RANBP2: variants seen among roughly 807,000 people sequenced by gnomAD.
The protein encoded by RANBP2 is RAN binding protein 2, also known as E3 SUMO-protein ligase RanBP2.
In RANBP2, 57 loss-of-function variants were observed where a neutral mutation model predicts 303.6. The ratio of observed to expected loss-of-function variants is 0.19; its 90% confidence interval spans 0.15 to 0.23. The LOEUF is 0.23. Ranked by LOEUF, RANBP2 falls within the 10% of genes least tolerant of loss-of-function variation. RANBP2 has a pLI of 1.00. For synonymous variants in RANBP2, 1,167 were observed against 1,301.5 expected (o/e 0.90, Z 2.23); for missense variants, 3,138 against 3,780.8 (o/e 0.83, Z 4.46).
chr2:109,480,460 G>A, the RANBP2 span, among the ~76,000 whole-genome samples: 1 of 152,180 alleles, frequency 6.6e-6, no homozygotes, highest in Non-Finnish European at 1.5e-5. Flanking sequence ...AAGGAGAGGA[G>A]TCCAGATGCC....
At chr2:109,384,455 C>T in the RANBP2 span, among the ~76,000 whole-genome samples, 3 of 151,572 alleles carry the variant, frequency 2.0e-5, no homozygotes, top group Admixed American at 6.6e-5. Context: ...CTGAGCTGGC[C>T]GAGGGACTCT....
the RANBP2 span, among the ~76,000 whole-genome samples, chr2:109,041,196 T>C: frequency 1.3e-5 from 2 of 152,394 alleles, no homozygotes; most frequent in East Asian, 1.9e-4. Flanking sequence ...AACACAGTTA[T>C]TCATCTTAAT....
At chr2:108,829,538 G>A in the RANBP2 span, among the ~76,000 whole-genome samples, 2 of 152,222 alleles carry the variant, frequency 1.3e-5, no homozygotes, top group East Asian at 3.9e-4. Flanking sequence ...TTGAGGTCAG[G>A]AGCTTGAGAC....
chr2:109,566,863 AATT>A, the RANBP2 span, among the ~76,000 whole-genome samples: 2 of 152,188 alleles, frequency 1.3e-5, no homozygotes, highest in Non-Finnish European at 2.9e-5. Flanking sequence ...CTAATGTAAA[AATT>A]ATTAATTACT....
the RANBP2 span, among the ~76,000 whole-genome samples, chr2:109,081,762 C>T: frequency 3.9e-5 from 6 of 152,322 alleles, no homozygotes; most frequent in African/African-American, 7.2e-5. Flanking sequence ...CACAACCTGC[C>T]GCCGCCAGGG....
At chr2:109,212,439 A>G in the RANBP2 span, among the ~76,000 whole-genome samples, 1 of 152,200 alleles carries the variant, frequency 6.6e-6, no homozygotes, top group Non-Finnish European at 1.5e-5. Flanking sequence ...GAAAAACAAT[A>G]CAAAAGTCTC....
chr2:109,736,302 A>G, the RANBP2 span, among the ~76,000 whole-genome samples: 3 of 152,108 alleles, frequency 2.0e-5, no homozygotes, highest in East Asian at 5.8e-4. Context: ...TCGTGGCCCA[A>G]GTTGCATGAG....
chr2:109,003,641 C>T, the RANBP2 span, among the ~76,000 whole-genome samples: 1 of 152,074 alleles, frequency 6.6e-6, no homozygotes, highest in Non-Finnish European at 1.5e-5. Flanking sequence ...GAACTCCTGA[C>T]TTCAAGTGAT....
At chr2:109,244,627 A>G in the RANBP2 span, among the ~76,000 whole-genome samples, 2 of 152,242 alleles carry the variant, frequency 1.3e-5, no homozygotes, top group Non-Finnish European at 2.9e-5. Context: ...AATGCCAGTT[A>G]GCAGGAGAAG....
the RANBP2 span, among the ~76,000 whole-genome samples, chr2:108,880,730 G>A: frequency 6.6e-6 from 1 of 152,112 alleles, no homozygotes; most frequent in Non-Finnish European, 1.5e-5. Flanking sequence ...TAAGCCTGCT[G>A]TTGAGACCTA....
At chr2:109,199,849 G>GA in the RANBP2 span, among the ~76,000 whole-genome samples, 2 of 41,934 alleles carry the variant, frequency 4.8e-5, 1 homozygote, top group African/African-American at 1.3e-4. Context: ...GAATGGAATG[G>GA]AAATAACAAA....
chr2:109,232,791 C>G, the RANBP2 span, among the ~76,000 whole-genome samples: 1 of 152,194 alleles, frequency 6.6e-6, no homozygotes, highest in Non-Finnish European at 1.5e-5. Flanking sequence ...CTAAACACAG[C>G]TGAGACTTCC....
chr2:109,233,486 T>C, the RANBP2 span, among the ~76,000 whole-genome samples: 1 of 152,028 alleles, frequency 6.6e-6, no homozygotes, highest in Non-Finnish European at 1.5e-5. Context: ...AGTTTGGGGG[T>C]TTTATAGGTA....
intron 6 of RANBP2, among the ~76,000 whole-genome samples, chr2:108,740,156 C>T (rs1229415208): frequency 1.3e-5 from 2 of 152,068 alleles, no homozygotes; most frequent in African/African-American, 4.8e-5. Flanking sequence ...ATTATATGAT[C>T]AGGAAGAAAC....
the RANBP2 span, among the ~76,000 whole-genome samples, chr2:109,308,615 G>A: frequency 7.5e-5 from 4 of 53,012 alleles, no homozygotes; most frequent in Admixed American, 1.0e-3. Flanking sequence ...GTGTAAGGAA[G>A]GGATCCAGTT....
the RANBP2 span, among the ~76,000 whole-genome samples, chr2:109,690,339 T>G: frequency 8.9e-4 from 136 of 152,322 alleles, no homozygotes; most frequent in South Asian, 0.026. Context: ...TGGGAGCACT[T>G]CCAGGTCATA....
the RANBP2 span, among the ~76,000 whole-genome samples, chr2:109,362,092 T>C: frequency 6.6e-6 from 1 of 152,126 alleles, no homozygotes; most frequent in Non-Finnish European, 1.5e-5. Context: ...ATTTCTTTTA[T>C]TTTATTTATT....
the RANBP2 span, among the ~76,000 whole-genome samples, chr2:109,077,896 T>C: frequency 2.3e-3 from 347 of 148,810 alleles, 4 homozygotes; most frequent in African/African-American, 8.0e-3. Flanking sequence ...GAAAACAGTA[T>C]AGAGATCCCT....
At position 108,782,836 on chromosome 2, in the gene RANBP2, A is replaced by T. The variant is rs1192224682; in HGVS notation, c.9343A>T (p.Arg3115Ter). Residue 3115 changes from arginine (R) to a stop codon, truncating the protein, a stop_gained, in exon 28 of 29, where the codon AGA becomes TGA. Transcript: ENST00000283195. LOFTEE classifies it high-confidence loss of function. ...TGGTTTCAAGAATTCCATTTTTCAC[A>T]GAGTAATTCCAGATTTTGTTTGCCA... Reference protein sequence around the residue: ...GFGFKNSIFHRVIPDFVCQGG... With the variant: ...GFGFKNSIFH 5 of 1,613,942 alleles carry T rather than the reference A, an allele frequency of 3.1e-6. No homozygotes were observed. The highest frequency in any genetic ancestry group is 4.2e-6 in the Non-Finnish European group (5 of 1,179,996).
Sources: gnomAD v4.1 joint callset for allele counts (sites outside exome capture counted in the v4.1 genomes callset) on GRCh38, gnomAD v4.1.1 for gene constraint, MANE v1.5 for transcripts, NCBI Gene and HGNC (gene_info 2026-07-23, HGNC 2026-07-21) for gene names.